The following ZFHX3 variants were observed in gnomAD, a reference collection of about 807,000 sequenced individuals.
ZFHX3 encodes zinc finger homeobox 3.
ZFHX3 carries 42 observed loss-of-function variants against 279.1 expected under a neutral mutation model. The ratio of observed to expected loss-of-function variants is 0.15; its 90% confidence interval spans 0.12 to 0.19. The LOEUF (loss-of-function observed/expected upper bound fraction) is 0.19. Ranked by LOEUF, ZFHX3 falls within the 10% of genes least tolerant of loss-of-function variation. The pLI is 1.00. For synonymous variants in ZFHX3, 2,293 were observed against 1,957.8 expected, an observed-to-expected ratio of 1.17 and a Z score of -4.52; for missense variants, 4,981 against 4,754.0, an observed-to-expected ratio of 1.05 and a Z score of -1.40.
At chr16:73,234,575 G>C (rs1281375242) in intron 5 of ZFHX3, among the ~76,000 whole-genome samples, 1 of 152,204 alleles carries the variant, frequency 6.6e-6, no homozygotes, top group African/African-American at 2.4e-5. Flanking sequence ...TCTGGGGTTG[G>C]AGAATAGGAA....
intron 1 of ZFHX3, among the ~76,000 whole-genome samples, chr16:73,881,252 G>A (rs1319292383): frequency 2.0e-5 from 3 of 152,132 alleles, no homozygotes; most frequent in Non-Finnish European, 4.4e-5. Flanking sequence ...AATGGATGGG[G>A]CTGCAGTGCG....
At chr16:73,653,430 A>G (rs1290520191) in intron 2 of ZFHX3, among the ~76,000 whole-genome samples, 4 of 152,216 alleles carry the variant, frequency 2.6e-5, no homozygotes, top group Non-Finnish European at 4.4e-5. Context: ...TCATTAAACA[A>G]AAATAAAACT....
intron 1 of ZFHX3, among the ~76,000 whole-genome samples, chr16:72,964,005 T>A (rs996689940): frequency 1.3e-5 from 2 of 152,208 alleles, no homozygotes; most frequent in Non-Finnish European, 2.9e-5. Flanking sequence ...TGAGAAACTG[T>A]TGCCTCCAAG....
intron 3 of ZFHX3, among the ~76,000 whole-genome samples, chr16:72,913,192 A>G (rs2039362337): frequency 6.6e-6 from 1 of 152,228 alleles, no homozygotes; most frequent in Non-Finnish European, 1.5e-5. Context: ...CAGCTGGGAC[A>G]CTGTCAAAGC....
chr16:73,438,663 G>A (rs143606983), intron 3 of ZFHX3, among the ~76,000 whole-genome samples: 1 of 152,216 alleles, frequency 6.6e-6, no homozygotes, highest in Non-Finnish European at 1.5e-5. Context: ...ATAAAGTAGA[G>A]GAATAATCAC....
intron 5 of ZFHX3, among the ~76,000 whole-genome samples, chr16:73,195,694 G>A (rs1430044852): frequency 6.6e-6 from 1 of 152,140 alleles, no homozygotes; most frequent in African/African-American, 2.4e-5. Context: ...TGGGATTACA[G>A]GCGTGAGCCA....
intron 1 of ZFHX3, among the ~76,000 whole-genome samples, chr16:73,831,437 TG>T (rs1960995345): frequency 6.6e-6 from 1 of 152,050 alleles, no homozygotes; most frequent in Non-Finnish European, 1.5e-5. Flanking sequence ...AAGAAACAGA[TG>T]GGAATGGGCA....
At chr16:73,447,093 A>C (rs2018200048) in intron 3 of ZFHX3, among the ~76,000 whole-genome samples, 1 of 151,340 alleles carries the variant, frequency 6.6e-6, no homozygotes, top group African/African-American at 2.4e-5. Flanking sequence ...AGGCAGGAGA[A>C]TGGCATGAAC....
At position 73,809,280 on chromosome 16, in the gene ZFHX3, C is replaced by A. The variant is rs934660722; in HGVS notation, c.-1608+82371G>T. On this transcript the variant is annotated intron_variant, in intron 1 of 17. Coordinates refer to the ZFHX3 transcript ENST00000641206. Reference sequence around the variant, plus strand: ...AAGCTGTAATGCAAGTCAGCTGCACCGGGCAAATGCAGCATACGGTGACAC... The same window carrying A: ...AAGCTGTAATGCAAGTCAGCTGCACAGGGCAAATGCAGCATACGGTGACAC... 11 of 152,186 alleles carry A rather than the reference C, an allele frequency of 7.2e-5. No homozygotes were observed. The East Asian group carries it at 1.2e-3, about 16-fold the overall frequency. The allele number at this position is 152,186 out of a possible 1,614,324, so 9.4% of individuals were successfully genotyped here. A position where few individuals can be genotyped will look rare whatever the true frequency, so the allele number is the denominator to read the frequency against.
rs748787751 is a variant in ZFHX3, at chr16:72,795,302, G to T, written c.7380C>A (p.Pro2460=). The T allele has an allele frequency of 1.2e-6, 2 of 1,613,906 alleles. No individual in the cohort carries two copies. The highest frequency in any genetic ancestry group is 3.3e-5 in the Admixed American group (2 of 59,996). The stretch of plus-strand genomic sequence containing the variant: ...GCTGGGGAGTGTTGGTCTTCTGCTC[G>T]GGCTGCTCTTGCTGCTGCAGCTCTG... ...PKPELQQQEQ[P]EQKTNTPQQK... is the part of the protein sequence containing the mutation. Residue 2460 remains proline (P), a synonymous_variant, in exon 9 of 10, where the codon CCC becomes CCA. Coordinates refer to ENST00000268489, the MANE Select transcript of ZFHX3 (RefSeq NM_006885.4).
chr16:73,634,557 G>A (rs1371262008), intron 2 of ZFHX3, among the ~76,000 whole-genome samples: 1 of 151,492 alleles, frequency 6.6e-6, no homozygotes, highest in Non-Finnish European at 1.5e-5. Context: ...AGTATAGACT[G>A]TGTTCATAGC....
chr16:72,895,737 T>C (rs992453598), intron 3 of ZFHX3, among the ~76,000 whole-genome samples: 1 of 152,164 alleles, frequency 6.6e-6, no homozygotes, highest in Non-Finnish European at 1.5e-5. Context: ...GGCAGGAGGA[T>C]CACTTGATCC....
At chr16:72,802,603 C>G (rs984329099) in intron 7 of ZFHX3, among the ~76,000 whole-genome samples, 4 of 152,020 alleles carry the variant, frequency 2.6e-5, no homozygotes, top group Admixed American at 1.3e-4. Context: ...CAAGAAATTC[C>G]CAGGAGGCAA....
At chr16:73,680,843 G>C (rs1327980245) in intron 1 of ZFHX3, among the ~76,000 whole-genome samples, 1 of 152,218 alleles carries the variant, frequency 6.6e-6, no homozygotes, top group Non-Finnish European at 1.5e-5. Flanking sequence ...CTGTGCGTGT[G>C]AGTGGGGTAA....
At chr16:73,240,313 G>A (rs1392064439) in intron 5 of ZFHX3, among the ~76,000 whole-genome samples, 1 of 151,898 alleles carries the variant, frequency 6.6e-6, no homozygotes, top group African/African-American at 2.4e-5. Flanking sequence ...CCACCTCCTG[G>A]GTTCAAGTGA....
chr16:73,130,888 G>C, intron 7 of ZFHX3: 1 of 1,194,742 alleles, frequency 8.4e-7, no homozygotes, highest in African/African-American at 1.6e-5. Context: ...GATCACAGGG[G>C]TGAGCCAACA....
chr16:73,309,194 C>A (rs976303203), intron 4 of ZFHX3, among the ~76,000 whole-genome samples: 1 of 152,024 alleles, frequency 6.6e-6, no homozygotes, highest in South Asian at 2.1e-4. Context: ...AAGCCTAGTA[C>A]CCCATAGTTG....
intron 3 of ZFHX3, among the ~76,000 whole-genome samples, chr16:72,944,157 C>T (rs1172430098): frequency 6.6e-6 from 1 of 152,044 alleles, no homozygotes; most frequent in Non-Finnish European, 1.5e-5. Context: ...TGGTGGTGTG[C>T]ACCTGTGGTC....
At chr16:73,285,304 G>C (rs760811347) in intron 4 of ZFHX3, among the ~76,000 whole-genome samples, 1 of 152,216 alleles carries the variant, frequency 6.6e-6, no homozygotes, top group Non-Finnish European at 1.5e-5. Context: ...AAGAGATTAA[G>C]GGATCGGTAG....
Sources: allele counts gnomAD v4.1 joint callset (sites outside exome capture counted in the v4.1 genomes callset), GRCh38; gene constraint gnomAD v4.1.1; transcripts MANE v1.5; gene names NCBI Gene and HGNC (gene_info 2026-07-23, HGNC 2026-07-21).